GRB7: variants seen among roughly 807,000 people sequenced by gnomAD.
The protein encoded by GRB7 is growth factor receptor bound protein 7, also known as growth factor receptor-bound protein 7.
In GRB7, 47 loss-of-function variants were observed where a neutral mutation model predicts 64.1. The ratio of observed to expected loss-of-function variants is 0.73; its 90% CI spans 0.58 to 0.94. The LOEUF is 0.94. Among genes scored for constraint, GRB7 ranks in the 40% least tolerant of loss-of-function variants. GRB7 has a pLI of 0.00. For missense variants in GRB7, 634 were observed against 718.4 expected (o/e 0.88, Z 1.34); for synonymous variants, 277 against 279.9 (o/e 0.99, Z 0.10).
Position 39,745,242 on chromosome 17 carries a change from G to T in GRB7, c.1012-1G>T. On this transcript the variant is annotated splice_acceptor_variant, in intron 9 of 14. Coordinates refer to ENST00000309156, the MANE Select transcript of GRB7 (RefSeq NM_005310.5). LOFTEE classifies it high-confidence loss of function. ...AGCTCTCTTTCTCTCCCCACCCCCAGTACGGGGTGCAGCTGTACAAGAATT... is the reference window on the plus strand; with the variant it reads ...AGCTCTCTTTCTCTCCCCACCCCCATTACGGGGTGCAGCTGTACAAGAATT... 6.2e-7 allele frequency: 1 copy of T among 1,601,108 alleles called. No individual in the cohort carries two copies. The highest frequency in any genetic ancestry group is 8.5e-7 in the Non-Finnish European group (1 of 1,172,582).
At chr17:39,742,229 A>C in intron 1 of GRB7, 23 bp from the exon 2 acceptor site, 5 of 1,559,070 alleles carry the variant, frequency 3.2e-6, no homozygotes, top group South Asian at 1.1e-5. Flanking sequence ...GGAGGTCTGA[A>C]TTCTCTCATC....
At chr17:39,744,734 G>A (rs945212501) in intron 8 of GRB7, 71 bp downstream of exon 8, 7 of 1,418,070 alleles carry the variant, frequency 4.9e-6, no homozygotes, top group African/African-American at 4.3e-5. Context: ...GATCCTGCCC[G>A]GGGCTTCTGA....
chr17:39,744,490 TG>T (rs1403427566), intron 7 of GRB7, 62 bp from the exon 8 acceptor site: 4 of 1,323,144 alleles, frequency 3.0e-6, no homozygotes, highest in African/African-American at 1.5e-5. Context: ...ACCTGGCTTG[TG>T]GGGGGAGGTA....
chr17:39,746,344 CGG>C, intron 14 of GRB7, 142 bp downstream of exon 14: 1 of 708,710 alleles, frequency 1.4e-6, no homozygotes, highest in Non-Finnish European at 2.4e-6. Context: ...AGGCTGAGTG[CGG>C]TGGCTCACAC....
chr17:39,744,298 C>A (rs145555661), intron 7 of GRB7, 91 bp downstream of exon 7: 2 of 1,463,898 alleles, frequency 1.4e-6, no homozygotes, highest in East Asian at 2.3e-5. Context: ...GAGCCCTTCT[C>A]CCCCTGGGCC....
rs890249155 is a variant in GRB7 at position 39,747,037 on chromosome 17, G to A, written c.*140G>A. 1.1e-6 allele frequency: 1 copy of A among 883,790 alleles called. No homozygotes were observed. Among genetic ancestry groups the A allele is most frequent in the Non-Finnish European group, 1.7e-6 (1 of 593,190 alleles). 54.7% of individuals were successfully genotyped at this position (883,790 alleles called of 1,614,324 possible). ...TTCCGCCACTCCAGTTTTCTCCTCT[G>A]CTTCTTTGCCTCCCTCAGATAGAAA... On this transcript the variant is annotated 3_prime_UTR_variant, in exon 15 of 15. Coordinates refer to ENST00000309156, the MANE Select transcript of GRB7 (RefSeq NM_005310.5).
At chr17:39,740,961 G>T (rs1178858596) in intron 1 of GRB7, among the ~76,000 whole-genome samples, 1 of 152,160 alleles carries the variant, frequency 6.6e-6, no homozygotes, top group Non-Finnish European at 1.5e-5. Flanking sequence ...CAGGCTGGGG[G>T]CTGGGATTGC....
chr17:39,741,409 G>A (rs1272066278), intron 1 of GRB7, among the ~76,000 whole-genome samples: 2 of 152,134 alleles, frequency 1.3e-5, no homozygotes, highest in African/African-American at 2.4e-5. Flanking sequence ...GCACTGCAGC[G>A]GAGCCCGCTC....
rs1000106146 is a variant in GRB7 at position 39,742,842 on chromosome 17, A to G, written c.307-56A>G. On this transcript the variant is annotated intron_variant, in intron 3 of 14. Transcript: ENST00000309156. ...CCCTGAGGGTCTAGCAGGTGCGGAA[A>G]GGGAATGAATCACCCTTTGCCTCCC... is the stretch of plus-strand genomic sequence containing the variant. 1.4e-5 allele frequency: 22 copies of G among 1,539,634 alleles called. 1 individual carries two copies. In the Admixed American group the frequency reaches 3.8e-4, roughly 26 times the overall value.
intron 1 of GRB7, chr17:39,738,368 G>C (rs1347079120): frequency 1.3e-5 from 2 of 152,470 alleles, no homozygotes; most frequent in Admixed American, 1.3e-4. Context: ...GGTCCCAGCC[G>C]GGTGTCCTGA....
chr17:39,742,281 C>A lies in GRB7; in HGVS notation c.-21C>A. 6.2e-7 allele frequency: 1 copy of A among 1,613,788 alleles called. No homozygotes were observed. The highest frequency in any genetic ancestry group is 8.5e-7 in the Non-Finnish European group (1 of 1,179,790). ...AGGGCACACAACTGGTTCCGTTAAG[C>A]CCCTCTCTTGCTCAGACGCCATGGA... On this transcript the variant is annotated 5_prime_UTR_variant, in exon 2 of 15. Coordinates refer to ENST00000309156, the MANE Select transcript of GRB7 (RefSeq NM_005310.5).
At position 39,747,235 on chromosome 17, in the gene GRB7, T is replaced by C. The variant is rs866670571; in HGVS notation, c.*338T>C. The stretch of plus-strand genomic sequence containing the variant: ...CACTTTGTACAGACCGAGAGGCCAG[T>C]TGATCTGCTCTGTTTTATACTAGTG... On this transcript the variant is annotated 3_prime_UTR_variant, in exon 15 of 15. Coordinates refer to ENST00000309156, the MANE Select transcript of GRB7 (RefSeq NM_005310.5). 2 of 333,202 alleles carry C rather than the reference T, an allele frequency of 6.0e-6. No individual in the cohort carries two copies. The highest frequency in any genetic ancestry group is 8.1e-5 in the South Asian group (1 of 12,376). The allele number at this position is 333,202 out of a possible 1,614,324, so 20.6% of individuals were successfully genotyped here.
intron 7 of GRB7, 155 bp from the exon 8 acceptor site, chr17:39,744,398 T>C (rs2143417411): frequency 1.2e-6 from 1 of 842,120 alleles, no homozygotes; most frequent in Admixed American, 2.4e-5. Flanking sequence ...AAAGATGATC[T>C]TAGTTTAAGT....
chr17:39,739,708 C>T (rs893409054), intron 1 of GRB7, among the ~76,000 whole-genome samples: 6 of 152,250 alleles, frequency 3.9e-5, no homozygotes, highest in Admixed American at 6.5e-5. Context: ...GACGGGAACG[C>T]GGGTGGGGCT....
At position 39,746,796 on chromosome 17, in the gene GRB7, A is replaced by G. The variant is rs768208484; in HGVS notation, c.1498A>G (p.Thr500Ala). 3 of 1,614,008 alleles carry G rather than the reference A, an allele frequency of 1.9e-6. No homozygotes were observed. Among genetic ancestry groups the G allele is most frequent in the South Asian group, 1.1e-5 (1 of 91,084 alleles). Reference protein sequence around the residue: ...RLYFSMDDGQTRFTDLLQLVE... With the variant: ...RLYFSMDDGQARFTDLLQLVE... Reference sequence around the variant, plus strand: ...GTACTTCAGCATGGATGATGGCCAGACCCGCTTCACTGACCTGCTGCAGCT... The same window carrying G: ...GTACTTCAGCATGGATGATGGCCAGGCCCGCTTCACTGACCTGCTGCAGCT... Residue 500 changes from threonine to alanine, a missense_variant, in exon 15 of 15, where the codon ACC becomes GCC. This residue lies in a region of GRB7 where 467 missense variants were observed against 576.6 expected (regional missense o/e 0.81). Coordinates refer to ENST00000309156, the MANE Select transcript of GRB7 (RefSeq NM_005310.5).
Position 39,744,126 on chromosome 17 carries a change from T to A in GRB7, c.720T>A (p.Gly240=). Residue 240 remains glycine (G), a synonymous_variant, in exon 7 of 15, where the codon GGT becomes GGA. Coordinates refer to ENST00000309156, the MANE Select transcript of GRB7 (RefSeq NM_005310.5). ...TCCAGGGCTTTCTGCAGCTGCGGGG[T>A]TCAGGACGGAAGCTTTGGAAACGCT... is the stretch of plus-strand genomic sequence containing the variant. ...PEIQGFLQLR[G]SGRKLWKRFF... The A allele has an allele frequency of 2.5e-6, 4 of 1,614,024 alleles. No homozygotes were observed. In the South Asian group the frequency reaches 4.4e-5, roughly 18 times the overall value.
chr17:39,743,578 A>G, intron 6 of GRB7, 108 bp downstream of exon 6: 1 of 870,168 alleles, frequency 1.1e-6, no homozygotes, highest in South Asian at 1.4e-5. Context: ...AAAGAGCCAA[A>G]TCACAGTCCT....
chr17:39,742,837 C>G, intron 3 of GRB7, 61 bp from the exon 4 acceptor site: 2 of 1,536,602 alleles, frequency 1.3e-6, no homozygotes, highest in Non-Finnish European at 1.8e-6. Flanking sequence ...CTAGCAGGTG[C>G]GGAAAGGGAA....
In GRB7 at chr17:39,743,074, C is replaced by A; in HGVS notation, c.463+20C>A. The A allele has an allele frequency of 6.3e-7, 1 of 1,597,226 alleles. No individual in the cohort carries two copies. The highest frequency in any genetic ancestry group is 8.6e-7 in the Non-Finnish European group (1 of 1,169,294). On this transcript the variant is annotated intron_variant, in intron 4 of 14. Transcript: ENST00000309156. The stretch of plus-strand genomic sequence containing the variant: ...CACTGGGTAAGTCAGGTGCATGGAA[C>A]TATCCGGGCTGGGAGATGATGCCTT...
Sources: gnomAD v4.1 joint callset for allele counts (sites outside exome capture counted in the v4.1 genomes callset) on GRCh38, gnomAD v4.1.1 for gene constraint, gnomAD v4.1.1 regional missense constraint, MANE v1.5 for transcripts, NCBI Gene and HGNC (gene_info 2026-07-23, HGNC 2026-07-21) for gene names.